The following POU6F2 variants were observed in gnomAD, a reference collection of about 807,000 sequenced individuals.
The protein encoded by POU6F2 is POU domain, class 6, transcription factor 2.
In POU6F2, 31 loss-of-function variants were observed where a neutral mutation model predicts 71.3. That is an observed-to-expected ratio of 0.43 (90% CI 0.33 to 0.59). The LOEUF is 0.59. Ranked by LOEUF, POU6F2 falls within the 20% of genes least tolerant of loss-of-function variation. The probability of loss-of-function intolerance (pLI) is 0.04; values close to 1 mark genes in which losing one functional copy is unlikely to be tolerated. For synonymous variants in POU6F2, 347 were observed against 355.7 expected (o/e 0.98, Z 0.27); for missense variants, 783 against 856.8 (o/e 0.91, Z 1.07).
intron 1 of POU6F2, among the ~76,000 whole-genome samples, chr7:39,079,180 C>CTTTTTTT (rs1162865518): frequency 2.5e-5 from 2 of 79,320 alleles, no homozygotes; most frequent in African/African-American, 5.3e-5. Flanking sequence ...CTCACAATAT[C>CTTTTTTT]TTTTTTTTTT....
chr7:39,344,825 G>T (rs1409625329), intron 5 of POU6F2, among the ~76,000 whole-genome samples: 1 of 152,158 alleles, frequency 6.6e-6, no homozygotes, highest in African/African-American at 2.4e-5. Flanking sequence ...GTAGAGTTGG[G>T]TGACTCTGTG....
At chr7:39,051,908 T>C (rs1790407356) in intron 1 of POU6F2, among the ~76,000 whole-genome samples, 1 of 152,124 alleles carries the variant, frequency 6.6e-6, no homozygotes, top group South Asian at 2.1e-4. Context: ...TCATGCACAA[T>C]ACTGTGTGGT....
At chr7:39,305,624 A>G (rs537626369) in intron 4 of POU6F2, among the ~76,000 whole-genome samples, 1 of 152,350 alleles carries the variant, frequency 6.6e-6, no homozygotes, top group South Asian at 2.1e-4. Context: ...TGAAGTTTCC[A>G]GGTATTATAA....
intron 2 of POU6F2, among the ~76,000 whole-genome samples, chr7:39,157,755 T>G (rs10242528): frequency 0.42 from 63,948 of 152,090 alleles, 14,066 homozygotes; most frequent in East Asian, 0.82. Flanking sequence ...CAACTGCAGA[T>G]AATCAAGTCG....
At position 39,406,807 on chromosome 7, in the gene POU6F2, C is replaced by A. The variant is rs550729943; in HGVS notation, c.1113+67C>A. 47 of 1,576,830 alleles carry A rather than the reference C, an allele frequency of 3.0e-5. No individual in the cohort carries two copies. In the South Asian group the frequency reaches 4.2e-4, roughly 14 times the overall value. On this transcript the variant is annotated intron_variant, in intron 6 of 9. Coordinates refer to ENST00000518318, the MANE Select transcript of POU6F2 (RefSeq NM_001370959.1). Reference sequence around the variant, plus strand: ...TTGAACTCGGAAAGGAATTGAATTTCTTTTGCATGACAGTGATATGTAACC... The same window carrying A: ...TTGAACTCGGAAAGGAATTGAATTTATTTTGCATGACAGTGATATGTAACC...
chr7:39,345,538 G>T lies in POU6F2; in HGVS notation c.972+5523G>T, dbSNP rs116515275. On this transcript the variant is annotated intron_variant, in intron 5 of 9. Coordinates refer to ENST00000518318, the MANE Select transcript of POU6F2 (RefSeq NM_001370959.1). ...CAGATCTAATAAAGCAATTATTTTT[G>T]ATGGAACTGAAATGTTATGACAATC... Among the ~76,000 whole-genome samples, 321 of 152,282 alleles carry T rather than the reference G, an allele frequency of 2.1e-3. 2 individuals carry two copies. Among genetic ancestry groups the T allele is most frequent in the African/African-American group, 7.3e-3 (302 of 41,564 alleles).
chr7:39,109,622 AG>A (rs1373147998), intron 2 of POU6F2, among the ~76,000 whole-genome samples: 1 of 152,200 alleles, frequency 6.6e-6, no homozygotes, highest in Non-Finnish European at 1.5e-5. Context: ...ATTGGTAAAA[AG>A]TATTGTTTAG....
intron 4 of POU6F2, among the ~76,000 whole-genome samples, chr7:39,339,405 T>C (rs1785858959): frequency 6.6e-6 from 1 of 152,170 alleles, no homozygotes; most frequent in Non-Finnish European, 1.5e-5. Flanking sequence ...TCACCACCTT[T>C]TAAAGTAATG....
At chr7:39,031,558 T>A (rs2128709459) in intron 1 of POU6F2, among the ~76,000 whole-genome samples, 1 of 152,254 alleles carries the variant, frequency 6.6e-6, no homozygotes, top group South Asian at 2.1e-4. Context: ...GTGGCTGACT[T>A]AATTCCCTCC....
Position 39,292,366 on chromosome 7 carries a change from C to G in POU6F2, c.599-47276C>G, listed in dbSNP as rs146166490. The stretch of plus-strand genomic sequence containing the variant: ...TCATTGTGAAGGGTTTTGGTGCCAT[C>G]ATTATGGGAAAGAAAGGGCAGGGAG... On this transcript the variant is annotated intron_variant, in intron 4 of 9. Transcript: ENST00000518318. Among the ~76,000 whole-genome samples, 462 of 152,292 alleles carry G rather than the reference C, an allele frequency of 3.0e-3. 2 individuals are homozygous for G. Among genetic ancestry groups the G allele is most frequent in the African/African-American group, 0.011 (445 of 41,556 alleles).
chr7:39,292,712 C>T (rs1261868278), intron 4 of POU6F2, among the ~76,000 whole-genome samples: 3 of 152,074 alleles, frequency 2.0e-5, no homozygotes, highest in Admixed American at 2.0e-4. Context: ...TTTATAGAGT[C>T]GAGAATCTTT....
intron 4 of POU6F2, among the ~76,000 whole-genome samples, chr7:39,274,051 C>T (rs1784389298): frequency 6.6e-6 from 1 of 151,946 alleles, no homozygotes; most frequent in Non-Finnish European, 1.5e-5. Flanking sequence ...ATTTGGTGAC[C>T]TTCTCATTTC....
chr7:39,008,844 G>T (rs1345868476), intron 1 of POU6F2, among the ~76,000 whole-genome samples: 73 of 149,208 alleles, frequency 4.9e-4, no homozygotes, highest in Admixed American at 1.1e-3. Flanking sequence ...GATATGCGGC[G>T]TTATTTCTGA....
chr7:39,015,494 A>G (rs1281836171), intron 1 of POU6F2, among the ~76,000 whole-genome samples: 1 of 99,202 alleles, frequency 1.0e-5, no homozygotes, highest in Non-Finnish European at 1.9e-5. Flanking sequence ...TTATATAGAT[A>G]TATTATATAT....
In POU6F2 at chr7:39,047,377, C is replaced by G. The variant is rs1398783265; in HGVS notation, c.106-38483C>G. 2.0e-5 allele frequency among the ~76,000 whole-genome samples: 3 copies of G among 151,800 alleles called. No individual in the cohort carries two copies. In the East Asian group the frequency reaches 5.8e-4, roughly 29 times the overall value. ...TATGTCTCCACTTATTTCTTTACCT[C>G]CCTTTATTTCTTTCACTCAGCACTT... is the stretch of plus-strand genomic sequence containing the variant. On this transcript the variant is annotated intron_variant, in intron 1 of 9. Coordinates refer to ENST00000518318, the MANE Select transcript of POU6F2 (RefSeq NM_001370959.1).
At chr7:39,076,529 T>TAAAAAGAAAAAG (rs111496549) in intron 1 of POU6F2, among the ~76,000 whole-genome samples, 2 of 152,102 alleles carry the variant, frequency 1.3e-5, no homozygotes, top group Admixed American at 6.5e-5. Flanking sequence ...ATTATATTTT[T>TAAAAAGAAAAAG]AAAAAGAAAA....
chr7:39,073,366 G>A (rs1293367992), intron 1 of POU6F2, among the ~76,000 whole-genome samples: 1 of 128,538 alleles, frequency 7.8e-6, no homozygotes, highest in Admixed American at 8.9e-5. Context: ...ACGGAATGGG[G>A]AGAACCTATT....
intron 5 of POU6F2, among the ~76,000 whole-genome samples, chr7:39,381,522 A>G (rs1786829277): frequency 6.6e-6 from 1 of 152,064 alleles, no homozygotes; most frequent in African/African-American, 2.4e-5. Context: ...GATTGCAGGC[A>G]TGAGCCTCCA....
At chr7:39,409,766 T>TC (rs1190683588) in intron 6 of POU6F2, among the ~76,000 whole-genome samples, 2 of 152,174 alleles carry the variant, frequency 1.3e-5, no homozygotes, top group South Asian at 4.2e-4. Context: ...CAGAAAGAAA[T>TC]CCCCCCTCCT....
Sources: allele counts gnomAD v4.1 joint callset (sites outside exome capture counted in the v4.1 genomes callset), GRCh38; gene constraint gnomAD v4.1.1; transcripts MANE v1.5; gene names NCBI Gene and HGNC (gene_info 2026-07-23, HGNC 2026-07-21).